AGBL4: variants seen among roughly 807,000 people sequenced by gnomAD.
The protein encoded by AGBL4 is AGBL carboxypeptidase 4, also known as cytosolic carboxypeptidase 6.
AGBL4 carries 58 observed loss-of-function variants against 66.4 expected under a neutral mutation model. The ratio of observed to expected loss-of-function variants is 0.87; its 90% CI spans 0.71 to 1.09. AGBL4 has a LOEUF of 1.09. AGBL4 is among the 50% of genes least tolerant of loss of function. The probability of loss-of-function intolerance (pLI) is 0.00; values close to 1 mark genes in which losing one functional copy is unlikely to be tolerated. For synonymous variants in AGBL4, 234 were observed against 222.9 expected, an observed-to-expected ratio of 1.05 and a Z score of -0.44; for missense variants, 579 against 631.0, an observed-to-expected ratio of 0.92 and a Z score of 0.88.
rs116302922 is a variant in AGBL4, at chr1:48,667,593, G to T, written c.635-4352C>A. Among the ~76,000 whole-genome samples the T allele has an allele frequency of 8.4e-3, 1,286 of 152,340 alleles. 24 individuals carry two copies. Among genetic ancestry groups the T allele is most frequent in the African/African-American group, 0.03 (1,240 of 41,566 alleles). ...ACATAATAAATATTTGCTGTTTCAA[G>T]ATGCTAAATTCTAGAGTAACTTGTT... is the stretch of plus-strand genomic sequence containing the variant. On this transcript the variant is annotated intron_variant, in intron 6 of 13. Transcript: ENST00000371839.
intron 1 of AGBL4, among the ~76,000 whole-genome samples, chr1:49,987,806 C>T (rs760028140): frequency 3.4e-4 from 52 of 152,032 alleles, no homozygotes; most frequent in Non-Finnish European, 5.7e-4. Flanking sequence ...ATTGTGTTTA[C>T]TGTACTAAGT....
intron 1 of AGBL4, among the ~76,000 whole-genome samples, chr1:49,916,209 C>T (rs1024413808): frequency 6.6e-6 from 1 of 152,162 alleles, no homozygotes; most frequent in African/African-American, 2.4e-5. Context: ...AGCTCCTCGC[C>T]AGCAACGGAA....
intron 3 of AGBL4, among the ~76,000 whole-genome samples, chr1:49,552,823 A>G (rs1653078200): frequency 6.6e-6 from 1 of 152,178 alleles, no homozygotes; most frequent in Admixed American, 6.5e-5. Context: ...CCTGCCTCCT[A>G]TCTGCCATGA....
intron 1 of AGBL4, among the ~76,000 whole-genome samples, chr1:49,867,075 C>G (rs1261095070): frequency 6.6e-6 from 1 of 152,076 alleles, no homozygotes; most frequent in Non-Finnish European, 1.5e-5. Flanking sequence ...AGGCCCCAGT[C>G]AGTCCTGTCC....
At chr1:48,574,652 C>T (rs879780139) in intron 11 of AGBL4, among the ~76,000 whole-genome samples, 18 of 151,878 alleles carry the variant, frequency 1.2e-4, no homozygotes, top group Non-Finnish European at 2.5e-4. Flanking sequence ...CTCCTCCTCC[C>T]TCTAAGTTCC....
intron 3 of AGBL4, among the ~76,000 whole-genome samples, chr1:49,534,020 C>T (rs1651355919): frequency 6.6e-6 from 1 of 151,930 alleles, no homozygotes; most frequent in Non-Finnish European, 1.5e-5. Flanking sequence ...GGTCAAATTT[C>T]TATAATACTC....
intron 11 of AGBL4, among the ~76,000 whole-genome samples, chr1:48,553,281 C>T (rs970156480): frequency 1.3e-5 from 2 of 152,178 alleles, no homozygotes; most frequent in Middle Eastern, 3.2e-3. Flanking sequence ...TGAGAGGGGG[C>T]TCTGCTTTTC....
chr1:49,826,503 T>C (rs1408262015), intron 2 of AGBL4, among the ~76,000 whole-genome samples: 2 of 152,212 alleles, frequency 1.3e-5, no homozygotes, highest in Admixed American at 1.3e-4. Flanking sequence ...GGATATCTAA[T>C]AGCTAAATAT....
At chr1:49,860,847 CA>C (rs1051443383) in intron 1 of AGBL4, among the ~76,000 whole-genome samples, 10 of 151,828 alleles carry the variant, frequency 6.6e-5, no homozygotes, top group African/African-American at 2.4e-4. Flanking sequence ...AACCAAAAAT[CA>C]GATGAGCACT....
chr1:49,381,266 C>A (rs1570575612), intron 3 of AGBL4, among the ~76,000 whole-genome samples: 1 of 152,164 alleles, frequency 6.6e-6, no homozygotes, highest in African/African-American at 2.4e-5. Context: ...CACTGGCCAT[C>A]AGAGAAATGC....
intron 6 of AGBL4, among the ~76,000 whole-genome samples, chr1:48,795,974 T>C (rs1645664761): frequency 6.6e-6 from 1 of 152,218 alleles, no homozygotes; most frequent in African/African-American, 2.4e-5. Context: ...AATTTGATCA[T>C]GTGTAGATGC....
At chr1:49,924,386 T>G (rs1241291159) in intron 1 of AGBL4, among the ~76,000 whole-genome samples, 3 of 152,138 alleles carry the variant, frequency 2.0e-5, no homozygotes, top group Non-Finnish European at 4.4e-5. Context: ...AACAAACCCC[T>G]ATGACATGTT....
intron 2 of AGBL4, among the ~76,000 whole-genome samples, chr1:49,778,748 G>A (rs1168456494): frequency 6.6e-6 from 1 of 152,152 alleles, no homozygotes. Context: ...ATAAGTGGGA[G>A]CTAAACAATG....
intron 1 of AGBL4, among the ~76,000 whole-genome samples, chr1:49,869,577 C>T (rs1243861506): frequency 6.6e-6 from 1 of 152,146 alleles, no homozygotes; most frequent in Non-Finnish European, 1.5e-5. Context: ...AGGAAAAACA[C>T]ACACCGGGGC....
intron 3 of AGBL4, among the ~76,000 whole-genome samples, chr1:49,682,403 C>G (rs1306402188): frequency 6.6e-6 from 1 of 151,974 alleles, no homozygotes; most frequent in Non-Finnish European, 1.5e-5. Flanking sequence ...ACTCCGTCCC[C>G]CCAGAAAAAA....
At chr1:49,021,245 C>G (rs1307845494) in intron 5 of AGBL4, among the ~76,000 whole-genome samples, 10 of 152,126 alleles carry the variant, frequency 6.6e-5, no homozygotes, top group Non-Finnish European at 1.5e-4. Context: ...CTGGTTTCTT[C>G]CCATGTTTCA....
rs1184649333 is a variant in AGBL4 at position 48,634,558 on chromosome 1, AG to A, written c.885del (p.Ser296LeufsTer11). Reference sequence around the variant, plus strand: ...TGCAGGGTAGGATGGACCCATGGAGAGGGATCCAGCCAGTGACGATTCAGAT... The same window carrying A: ...TGCAGGGTAGGATGGACCCATGGAGAGGATCCAGCCAGTGACGATTCAGAT... The part of the protein sequence containing the change: ...GFDLNRHWLD[P>X]SPWVHPTLHG... On this transcript the variant is annotated frameshift_variant, in exon 9 of 14. Coordinates refer to ENST00000371839, the MANE Select transcript of AGBL4 (RefSeq NM_032785.4). LOFTEE classifies it high-confidence loss of function. 2 of 1,606,750 alleles carry A rather than the reference AG, an allele frequency of 1.2e-6. No homozygotes were observed. The highest frequency in any genetic ancestry group is 1.7e-6 in the Non-Finnish European group (2 of 1,176,696).
At chr1:48,756,592 G>A (rs1643941285) in intron 6 of AGBL4, among the ~76,000 whole-genome samples, 1 of 152,230 alleles carries the variant, frequency 6.6e-6, no homozygotes, top group African/African-American at 2.4e-5. Flanking sequence ...CAAAGCCACA[G>A]AGTTGGGAAG....
intron 3 of AGBL4, among the ~76,000 whole-genome samples, chr1:49,406,551 A>G (rs1347009287): frequency 2.0e-5 from 3 of 152,196 alleles, no homozygotes; most frequent in Admixed American, 6.5e-5. Context: ...TAGTTTTTAT[A>G]TATTTTAGTA....
Sources: allele counts gnomAD v4.1 joint callset (sites outside exome capture counted in the v4.1 genomes callset), GRCh38; gene constraint gnomAD v4.1.1; transcripts MANE v1.5; gene names NCBI Gene and HGNC (gene_info 2026-07-23, HGNC 2026-07-21).